The following EBF1 variants were observed in gnomAD, a reference collection of about 807,000 sequenced individuals.
EBF1 encodes the protein EBF transcription factor 1, also known as transcription factor COE1.
EBF1 carries 10 observed loss-of-function variants against 68.4 expected under a neutral mutation model. The observed-to-expected ratio is 0.15, with a 90% CI of 0.09 to 0.25. EBF1 has a LOEUF of 0.25. EBF1 is among the 10% of genes least tolerant of loss of function. EBF1 has a pLI of 1.00. For missense variants in EBF1, 509 were observed against 794.4 expected, an observed-to-expected ratio of 0.64 and a Z score of 4.32; for synonymous variants, 298 against 299.8, an observed-to-expected ratio of 0.99 and a Z score of 0.06.
At chr5:158,845,186 G>T (rs1484506314) in intron 6 of EBF1, among the ~76,000 whole-genome samples, 1 of 152,206 alleles carries the variant, frequency 6.6e-6, no homozygotes, top group South Asian at 2.1e-4. Flanking sequence ...AAATAAGGGT[G>T]TTTTTACAGT....
intron 4 of EBF1, among the ~76,000 whole-genome samples, chr5:159,088,972 A>G (rs1003366415): frequency 9.2e-5 from 14 of 152,312 alleles, no homozygotes; most frequent in African/African-American, 3.4e-4. Context: ...TGCTTGTATA[A>G]GAGGAAGAGT....
chr5:158,942,231 G>T (rs1466939338), intron 6 of EBF1, among the ~76,000 whole-genome samples: 5 of 151,912 alleles, frequency 3.3e-5, no homozygotes, highest in Non-Finnish European at 7.4e-5. Flanking sequence ...ATTTAGCATT[G>T]TGTCCCTGTA....
intron 5 of EBF1, among the ~76,000 whole-genome samples, chr5:159,078,963 T>C (rs1685979713): frequency 6.6e-6 from 1 of 152,230 alleles, no homozygotes; most frequent in Non-Finnish European, 1.5e-5. Flanking sequence ...AACTTTTTCC[T>C]ATGAATAGTG....
At chr5:158,950,459 C>A (rs1815718353) in intron 6 of EBF1, among the ~76,000 whole-genome samples, 1 of 152,340 alleles carries the variant, frequency 6.6e-6, no homozygotes, top group Non-Finnish European at 1.5e-5. Context: ...CCAGCCCACA[C>A]AGGACCAGAA....
chr5:159,000,038 C>A (rs773788409), intron 6 of EBF1, among the ~76,000 whole-genome samples: 1 of 152,150 alleles, frequency 6.6e-6, no homozygotes, highest in Admixed American at 6.6e-5. Flanking sequence ...CCTTATAATA[C>A]TACTGACCTG....
At chr5:159,022,055 A>AT (rs1328843474) in intron 6 of EBF1, among the ~76,000 whole-genome samples, 94 of 103,092 alleles carry the variant, frequency 9.1e-4, no homozygotes, top group Non-Finnish European at 1.5e-3. Flanking sequence ...TGTCAGCACG[A>AT]TAAAAAAAAA....
intron 6 of EBF1, among the ~76,000 whole-genome samples, chr5:158,991,788 A>T (rs2127611335): frequency 6.6e-6 from 1 of 152,352 alleles, no homozygotes. Context: ...TTGCATATAA[A>T]ATTCAAGCCA....
chr5:158,946,823 T>C (rs1814839848), intron 6 of EBF1, among the ~76,000 whole-genome samples: 3 of 152,194 alleles, frequency 2.0e-5, no homozygotes, highest in Non-Finnish European at 2.9e-5. Flanking sequence ...CCCAGGGAGA[T>C]GGAAGTTTTA....
chr5:159,017,643 C>T (rs1290456565), intron 6 of EBF1, among the ~76,000 whole-genome samples: 1 of 152,128 alleles, frequency 6.6e-6, no homozygotes, highest in Non-Finnish European at 1.5e-5. Flanking sequence ...TGCATTTGTA[C>T]TTTATTTGTT....
intron 6 of EBF1, among the ~76,000 whole-genome samples, chr5:159,073,126 G>A (rs1227571195): frequency 1.3e-5 from 2 of 152,126 alleles, no homozygotes; most frequent in Non-Finnish European, 2.9e-5. Context: ...CACAGCATGA[G>A]GATTGAGCCA....
intron 6 of EBF1, among the ~76,000 whole-genome samples, chr5:158,842,577 T>C (rs1790549768): frequency 6.6e-6 from 1 of 152,214 alleles, no homozygotes; most frequent in African/African-American, 2.4e-5. Flanking sequence ...GCTGAACTTC[T>C]CTGCACCACA....
chr5:159,063,108 T>C (rs1400860815), intron 6 of EBF1, among the ~76,000 whole-genome samples: 1 of 152,196 alleles, frequency 6.6e-6, no homozygotes, highest in Non-Finnish European at 1.5e-5. Context: ...TCATTCCTTC[T>C]TTTCACAAAA....
At chr5:159,069,059 C>G (rs1777359070) in intron 6 of EBF1, among the ~76,000 whole-genome samples, 2 of 151,988 alleles carry the variant, frequency 1.3e-5, no homozygotes, top group Admixed American at 6.6e-5. Flanking sequence ...AGTTGACAAG[C>G]TTTTAACATC....
chr5:158,991,080 C>T (rs1333461012), intron 6 of EBF1, among the ~76,000 whole-genome samples: 1 of 152,204 alleles, frequency 6.6e-6, no homozygotes, highest in Admixed American at 6.5e-5. Flanking sequence ...CCCTGCTCTG[C>T]TATGTACTAT....
chr5:158,919,733 C>G (rs936310135), intron 6 of EBF1, among the ~76,000 whole-genome samples: 14 of 152,140 alleles, frequency 9.2e-5, no homozygotes, highest in African/African-American at 3.4e-4. Context: ...ATTTATTGAT[C>G]AAACTCCTAC....
intron 6 of EBF1, among the ~76,000 whole-genome samples, chr5:159,000,808 A>T (rs771077729): frequency 1.1e-4 from 17 of 152,332 alleles, no homozygotes; most frequent in Non-Finnish European, 2.1e-4. Flanking sequence ...GAGTGATGTT[A>T]CAAAATGATG....
chr5:158,964,270 T>C (rs1307973219), intron 6 of EBF1, among the ~76,000 whole-genome samples: 3 of 152,094 alleles, frequency 2.0e-5, no homozygotes, highest in African/African-American at 7.2e-5. Flanking sequence ...ACACTGTACA[T>C]AACTCTTAAA....
chr5:158,784,401 C>T (rs1204410325), intron 9 of EBF1, among the ~76,000 whole-genome samples: 4 of 152,166 alleles, frequency 2.6e-5, no homozygotes, highest in Non-Finnish European at 5.9e-5. Context: ...ATTGTATCTG[C>T]AGCTTTTCCC....
intron 9 of EBF1, among the ~76,000 whole-genome samples, chr5:158,781,761 T>A (rs1182778282): frequency 1.3e-5 from 2 of 152,212 alleles, no homozygotes; most frequent in African/African-American, 4.8e-5. Context: ...CTCTTTCTCC[T>A]GTTCAGGCTG....
Sources: allele counts gnomAD v4.1 joint callset (sites outside exome capture counted in the v4.1 genomes callset), GRCh38; gene constraint gnomAD v4.1.1; transcripts MANE v1.5; gene names NCBI Gene and HGNC (gene_info 2026-07-23, HGNC 2026-07-21).